The following ARID4B variants were observed in gnomAD, a reference collection of about 807,000 sequenced individuals.
The protein encoded by ARID4B is AT-rich interaction domain 4B, also known as AT-rich interactive domain-containing protein 4B.
In ARID4B, 26 loss-of-function variants were observed where a neutral mutation model predicts 147.5. The observed-to-expected ratio is 0.18, with a 90% CI of 0.13 to 0.24. The LOEUF (loss-of-function observed/expected upper bound fraction) is 0.24. Ranked by LOEUF, ARID4B falls within the 10% of genes least tolerant of loss-of-function variation. ARID4B has a pLI of 1.00. For missense variants in ARID4B, 1,179 were observed against 1,511.5 expected, an observed-to-expected ratio of 0.78 and a Z score of 3.65; for synonymous variants, 512 against 507.9, an observed-to-expected ratio of 1.01 and a Z score of -0.11.
intron 6 of ARID4B, among the ~76,000 whole-genome samples, chr1:235,249,694 C>A (rs1321668696): frequency 6.6e-6 from 1 of 151,800 alleles, no homozygotes; most frequent in Non-Finnish European, 1.5e-5. Context: ...GTAATCCCAG[C>A]ACTTTGGGAG....
chr1:235,272,842 A>G (rs1671081129), intron 2 of ARID4B, among the ~76,000 whole-genome samples: 1 of 152,122 alleles, frequency 6.6e-6, no homozygotes, highest in Non-Finnish European at 1.5e-5. Flanking sequence ...CATTCTTTTT[A>G]AAGAAGATTT....
At chr1:235,259,613 C>T (rs1670178410) in intron 3 of ARID4B, among the ~76,000 whole-genome samples, 1 of 152,178 alleles carries the variant, frequency 6.6e-6, no homozygotes, top group Non-Finnish European at 1.5e-5. Context: ...TATAAAAGCA[C>T]CAACCACCAA....
intron 17 of ARID4B, among the ~76,000 whole-genome samples, chr1:235,202,360 T>C (rs773735167): frequency 8.6e-5 from 13 of 151,910 alleles, no homozygotes; most frequent in Non-Finnish European, 1.5e-4. Context: ...AAGTATCTTA[T>C]TGAATATTTA....
intron 9 of ARID4B, among the ~76,000 whole-genome samples, chr1:235,232,561 CAA>C (rs34901301): frequency 1.1e-4 from 16 of 143,966 alleles, no homozygotes; most frequent in East Asian, 2.1e-4. Flanking sequence ...GGCAACATGG[CAA>C]AAAAAAAAAA....
chr1:235,216,119 G>A (rs534458695), intron 16 of ARID4B, among the ~76,000 whole-genome samples: 55 of 151,980 alleles, frequency 3.6e-4, no homozygotes, highest in Middle Eastern at 3.4e-3. Flanking sequence ...TTAATGGACC[G>A]GTGGAAGTAA....
At chr1:235,226,737 T>C (rs1223258542) in intron 11 of ARID4B, among the ~76,000 whole-genome samples, 2 of 152,202 alleles carry the variant, frequency 1.3e-5, no homozygotes, top group Non-Finnish European at 2.9e-5. Flanking sequence ...TTAGCCAGGA[T>C]GGTCTCGATC....
chr1:235,194,444 G>C (rs138891786), intron 18 of ARID4B, among the ~76,000 whole-genome samples: 1 of 152,208 alleles, frequency 6.6e-6, no homozygotes, highest in East Asian at 1.9e-4. Flanking sequence ...AATCAAATTA[G>C]CAATCAGATA....
At chr1:235,174,146 T>C (rs1007771560) in intron 22 of ARID4B, among the ~76,000 whole-genome samples, 5 of 151,902 alleles carry the variant, frequency 3.3e-5, no homozygotes, top group Admixed American at 3.3e-4. Flanking sequence ...TGCAAGCAAT[T>C]CTCCTGCCTC....
Position 235,264,953 on chromosome 1 carries a change from G to A in ARID4B, c.7-4201C>T, listed in dbSNP as rs568589459. Among the ~76,000 whole-genome samples the A allele has an allele frequency of 4.9e-4, 74 of 151,532 alleles. 1 individual carries two copies. In the South Asian group the frequency reaches 0.013, roughly 27 times the overall value. On this transcript the variant is annotated intron_variant, in intron 2 of 23. Coordinates refer to ENST00000264183, the MANE Select transcript of ARID4B (RefSeq NM_016374.6). ...CGGGCGCCTGTAATCCCAGCTACAC[G>A]GGAGGCTGAGGCAGAAGAATCGCTT... is the stretch of plus-strand genomic sequence containing the variant.
intron 2 of ARID4B, among the ~76,000 whole-genome samples, chr1:235,266,464 T>A (rs1174484311): frequency 6.6e-6 from 1 of 152,164 alleles, no homozygotes; most frequent in African/African-American, 2.4e-5. Context: ...TAAATTACCA[T>A]CCCTTTGTTG....
intron 17 of ARID4B, among the ~76,000 whole-genome samples, chr1:235,208,164 A>G (rs1234208436): frequency 1.3e-5 from 2 of 152,232 alleles, no homozygotes; most frequent in African/African-American, 4.8e-5. Context: ...TGTATTTTAA[A>G]TTCCATGCCA....
chr1:235,248,647 G>C (rs192698994), intron 6 of ARID4B, among the ~76,000 whole-genome samples: 1 of 152,236 alleles, frequency 6.6e-6, no homozygotes, highest in East Asian at 1.9e-4. Flanking sequence ...CATTTCACTT[G>C]CTACAGGAAA....
At chr1:235,173,817 T>C (rs1223179583) in intron 22 of ARID4B, among the ~76,000 whole-genome samples, 1 of 69,188 alleles carries the variant, frequency 1.4e-5, no homozygotes, top group African/African-American at 5.8e-5. Flanking sequence ...TATATATGTA[T>C]ACCTAAAACA....
intron 11 of ARID4B, 44 bp from the exon 12 acceptor site, chr1:235,224,819 T>C (rs1437613311): frequency 2.2e-6 from 3 of 1,348,242 alleles, no homozygotes; most frequent in African/African-American, 1.5e-5. Flanking sequence ...CAATTAAGCA[T>C]TTTAATAAAA....
chr1:235,270,139 C>A (rs1670882912), intron 2 of ARID4B, among the ~76,000 whole-genome samples: 2 of 151,976 alleles, frequency 1.3e-5, no homozygotes, highest in African/African-American at 2.4e-5. Flanking sequence ...AAAAATTAGC[C>A]GGGCGTCATG....
At chr1:235,292,117 T>C (rs918228986) in intron 2 of ARID4B, among the ~76,000 whole-genome samples, 1 of 152,236 alleles carries the variant, frequency 6.6e-6, no homozygotes, top group African/African-American at 2.4e-5. Flanking sequence ...ATACAACTTA[T>C]AATGTAAGTT....
intron 2 of ARID4B, among the ~76,000 whole-genome samples, chr1:235,289,901 G>A (rs886262872): frequency 4.6e-5 from 7 of 151,696 alleles, no homozygotes; most frequent in East Asian, 1.9e-4. Flanking sequence ...TTTTTCGCAC[G>A]CATCCATAGT....
intron 21 of ARID4B, chr1:235,176,785 A>T: frequency 2.1e-6 from 1 of 465,614 alleles, no homozygotes; most frequent in South Asian, 1.6e-5. Flanking sequence ...AACCTCGGGG[A>T]GCTGGCCGAA....
At chr1:235,195,410 T>C (rs911797749) in intron 18 of ARID4B, among the ~76,000 whole-genome samples, 8 of 151,948 alleles carry the variant, frequency 5.3e-5, no homozygotes, top group Non-Finnish European at 7.4e-5. Flanking sequence ...CTGGCCAACA[T>C]GGTGAAACCC....
Sources: gnomAD v4.1 joint callset for allele counts (sites outside exome capture counted in the v4.1 genomes callset) on GRCh38, gnomAD v4.1.1 for gene constraint, MANE v1.5 for transcripts, NCBI Gene and HGNC (gene_info 2026-07-23, HGNC 2026-07-21) for gene names.